Variants in SH3PXD2A observed in about 807,000 individuals in gnomAD.
SH3PXD2A encodes the protein SH3 and PX domain-containing protein 2A.
Under a neutral mutation model 115.2 loss-of-function variants are expected in SH3PXD2A, and 32 were observed. The ratio of observed to expected loss-of-function variants is 0.28; its 90% confidence interval spans 0.21 to 0.37. The LOEUF is 0.37. Ranked by LOEUF, SH3PXD2A falls within the 10% of genes least tolerant of loss-of-function variation. SH3PXD2A has a pLI of 1.00. For synonymous variants in SH3PXD2A, 610 were observed against 629.1 expected (o/e 0.97, Z 0.45); for missense variants, 1,328 against 1,498.7 (o/e 0.89, Z 1.88).
intron 5 of SH3PXD2A, among the ~76,000 whole-genome samples, chr10:103,715,877 C>T (rs752939553): frequency 1.3e-5 from 2 of 152,244 alleles, no homozygotes; most frequent in African/African-American, 2.4e-5. Flanking sequence ...CCTACGGGAA[C>T]CCTGAAGCAG....
intron 6 of SH3PXD2A, among the ~76,000 whole-genome samples, chr10:103,681,705 C>A (rs1340332763): frequency 6.6e-6 from 1 of 152,148 alleles, no homozygotes; most frequent in Non-Finnish European, 1.5e-5. Context: ...GATCGCACTA[C>A]CACACTCCAG....
At chr10:103,803,455 T>C (rs554281790) in intron 1 of SH3PXD2A, among the ~76,000 whole-genome samples, 158 of 152,340 alleles carry the variant, frequency 1.0e-3, no homozygotes, top group African/African-American at 3.6e-3. Flanking sequence ...CAGTACAGCA[T>C]AAAGCATGTA....
chr10:103,691,929 A>C (rs1296291253), intron 6 of SH3PXD2A, among the ~76,000 whole-genome samples: 3 of 152,078 alleles, frequency 2.0e-5, no homozygotes, highest in Non-Finnish European at 1.5e-5. Context: ...ACAGAAACAT[A>C]CATATCATAC....
rs67426639 is a variant in SH3PXD2A at position 103,769,134 on chromosome 10, CTGTGTGTGTGTGTGTG to C, written c.154-1981_154-1966del. Among the ~76,000 whole-genome samples, 1,374 of 141,980 alleles carry C rather than the reference CTGTGTGTGTGTGTGTG, an allele frequency of 9.7e-3. 16 individuals are homozygous for C. The highest frequency in any genetic ancestry group is 0.028 in the Middle Eastern group (8 of 282). The allele number at this position is 141,980 out of a possible 152,430, so 93.1% of individuals were successfully genotyped here. On this transcript the variant is annotated intron_variant, in intron 2 of 14. Transcript: ENST00000369774. ...CTATAGCATGGTTCTAGGCTAGACT[CTGTGTGTGTGTGTGTG>C]TGTGTGTGTGTGTGTGTGTGTGTGT...
intron 2 of SH3PXD2A, among the ~76,000 whole-genome samples, chr10:103,795,912 A>G (rs968315501): frequency 2.3e-4 from 24 of 105,024 alleles, no homozygotes; most frequent in African/African-American, 7.6e-4. Flanking sequence ...AAAAGGAAGG[A>G]AGGAAGGAAG....
chr10:103,612,763 G>A (rs1315196981), intron 12 of SH3PXD2A, 90 bp downstream of exon 12: 2 of 843,992 alleles, frequency 2.4e-6, no homozygotes, highest in Non-Finnish European at 3.6e-6. Context: ...CGCCATGGGG[G>A]TCCTGTGCAC....
chr10:103,668,344 A>G (rs1005113011), intron 7 of SH3PXD2A, among the ~76,000 whole-genome samples: 1 of 152,268 alleles, frequency 6.6e-6, no homozygotes, highest in African/African-American at 2.4e-5. Flanking sequence ...GACGTAGCAG[A>G]GCTGGAATTC....
intron 7 of SH3PXD2A, 128 bp from the exon 8 acceptor site, chr10:103,661,242 GCAGCCGGGGCTCGCAGCTCA>G (rs2037296239): frequency 8.9e-7 from 1 of 1,119,386 alleles, no homozygotes. Flanking sequence ...GGGGCAGCCC[GCAGCCGGGGCTCGCAGCTCA>G]CAGGGCGCCA....
At chr10:103,718,319 G>A (rs977216162) in intron 5 of SH3PXD2A, among the ~76,000 whole-genome samples, 1 of 152,154 alleles carries the variant, frequency 6.6e-6, no homozygotes. Flanking sequence ...ACGGGGCCAA[G>A]GGCATGTCTT....
At chr10:103,838,547 C>A (rs1035624785) in intron 1 of SH3PXD2A, among the ~76,000 whole-genome samples, 9 of 151,170 alleles carry the variant, frequency 6.0e-5, no homozygotes, top group Non-Finnish European at 1.3e-4. Flanking sequence ...AAGGTTCAGA[C>A]CATTCTCTTC....
At chr10:103,674,108 A>C (rs1191605952) in intron 6 of SH3PXD2A, among the ~76,000 whole-genome samples, 1 of 152,172 alleles carries the variant, frequency 6.6e-6, no homozygotes, top group Non-Finnish European at 1.5e-5. Context: ...CCATACAACT[A>C]AACTTTGTAC....
At chr10:103,644,966 A>G (rs913682468) in intron 8 of SH3PXD2A, among the ~76,000 whole-genome samples, 3 of 152,158 alleles carry the variant, frequency 2.0e-5, no homozygotes, top group Non-Finnish European at 2.9e-5. Flanking sequence ...ATGCACATGC[A>G]GCAGGGTTCA....
rs2036162816 is a variant in SH3PXD2A, at chr10:103,598,293, G to C, written c.*3523C>G. On this transcript the variant is annotated 3_prime_UTR_variant, in exon 15 of 15. Coordinates refer to ENST00000369774, the MANE Select transcript of SH3PXD2A (RefSeq NM_001394015.1). ...TGCTGCTCAGGGTTGCCCCTTTCCA[G>C]CTCTCTCTCACTGCCCCCAAAGTCC... 1 of 152,556 alleles carries C rather than the reference G, an allele frequency of 6.6e-6. No homozygotes were observed. The highest frequency in any genetic ancestry group is 2.1e-4 in the South Asian group (1 of 4,830). 9.5% of individuals were successfully genotyped at this position (152,556 alleles called of 1,614,324 possible).
At chr10:103,706,831 G>A (rs1486822873) in intron 5 of SH3PXD2A, among the ~76,000 whole-genome samples, 2 of 152,070 alleles carry the variant, frequency 1.3e-5, no homozygotes, top group Non-Finnish European at 2.9e-5. Flanking sequence ...CAGTGGAAGT[G>A]CCACTTCCTC....
intron 2 of SH3PXD2A, among the ~76,000 whole-genome samples, chr10:103,767,805 G>GTTTTTT (rs1564884148): frequency 1.7e-4 from 16 of 92,662 alleles, no homozygotes; most frequent in African/African-American, 7.2e-4. Flanking sequence ...AGGAACAACT[G>GTTTTTT]TTTTGTTTTT....
intron 6 of SH3PXD2A, among the ~76,000 whole-genome samples, chr10:103,671,778 C>T (rs780999812): frequency 2.1e-5 from 3 of 144,380 alleles, no homozygotes; most frequent in Non-Finnish European, 3.0e-5. Flanking sequence ...GGGGGGGAGG[C>T]GGGGGGCGCA....
At chr10:103,808,856 G>C (rs1193739112) in intron 1 of SH3PXD2A, among the ~76,000 whole-genome samples, 1 of 152,146 alleles carries the variant, frequency 6.6e-6, no homozygotes, top group East Asian at 1.9e-4. Context: ...CTGCCAGTCT[G>C]CTGGACACAC....
intron 6 of SH3PXD2A, among the ~76,000 whole-genome samples, chr10:103,692,517 C>G (rs2037768247): frequency 6.6e-6 from 1 of 152,236 alleles, no homozygotes; most frequent in Admixed American, 6.5e-5. Flanking sequence ...GTGGTGCAGG[C>G]GCTAAAAACT....
chr10:103,608,150 T>TAAAAAAAAAAAAAAAAAAAGTTTACA (rs1554903070), intron 13 of SH3PXD2A, among the ~76,000 whole-genome samples: 14 of 32,660 alleles, frequency 4.3e-4, no homozygotes, highest in Admixed American at 8.3e-4. Flanking sequence ...ATGATCAATT[T>TAAAAAAAAAAAAAAAAAAAGTTTACA]AAAAAAAAAA....
Sources: allele counts gnomAD v4.1 joint callset (sites outside exome capture counted in the v4.1 genomes callset), GRCh38; gene constraint gnomAD v4.1.1; transcripts MANE v1.5; gene names NCBI Gene and HGNC (gene_info 2026-07-23, HGNC 2026-07-21).